EPHB2: variants seen among roughly 807,000 people sequenced by gnomAD.
The protein encoded by EPHB2 is ephrin type-B receptor 2.
Under a neutral mutation model 96.4 loss-of-function variants are expected in EPHB2, and 18 were observed. The observed-to-expected ratio is 0.19, with a 90% CI of 0.13 to 0.28. The LOEUF is 0.28. EPHB2 is among the 10% of genes least tolerant of loss of function. The probability of loss-of-function intolerance (pLI) is 1.00; values close to 1 mark genes in which losing one functional copy is unlikely to be tolerated. For missense variants in EPHB2, 989 were observed against 1,355.4 expected, an observed-to-expected ratio of 0.73 and a Z score of 4.25; for synonymous variants, 506 against 534.1, an observed-to-expected ratio of 0.95 and a Z score of 0.72.
At chr1:22,725,768 G>T (rs915550741) in intron 1 of EPHB2, among the ~76,000 whole-genome samples, 3 of 152,206 alleles carry the variant, frequency 2.0e-5, no homozygotes, top group Non-Finnish European at 4.4e-5. Context: ...GGTGACAGGT[G>T]GGGGAAGAGC....
intron 3 of EPHB2, among the ~76,000 whole-genome samples, chr1:22,816,693 G>A (rs1645079937): frequency 6.6e-6 from 1 of 152,202 alleles, no homozygotes; most frequent in Non-Finnish European, 1.5e-5. Context: ...CCACCAGGTA[G>A]CCCCTCACAG....
intron 1 of EPHB2, among the ~76,000 whole-genome samples, chr1:22,737,703 T>C (rs1295261885): frequency 6.6e-6 from 1 of 152,208 alleles, no homozygotes; most frequent in African/African-American, 2.4e-5. Context: ...GTGTAGAGAC[T>C]TTCTTGTCTT....
At chr1:22,885,659 C>G (rs1326404690) in intron 6 of EPHB2, among the ~76,000 whole-genome samples, 1 of 152,242 alleles carries the variant, frequency 6.6e-6, no homozygotes, top group Non-Finnish European at 1.5e-5. Flanking sequence ...TGGTCTCACT[C>G]TTTACTTGGC....
At chr1:22,902,258 A>G (rs1288144081) in intron 9 of EPHB2, among the ~76,000 whole-genome samples, 2 of 152,382 alleles carry the variant, frequency 1.3e-5, no homozygotes, top group African/African-American at 4.8e-5. Flanking sequence ...TCAGCCTAAT[A>G]ATGGCACTTA....
intron 3 of EPHB2, among the ~76,000 whole-genome samples, chr1:22,810,658 C>T (rs185964515): frequency 7.8e-4 from 119 of 152,290 alleles, no homozygotes; most frequent in African/African-American, 2.8e-3. Context: ...CTTCCCATGA[C>T]AAGGGGCACA....
chr1:22,908,224 G>A (rs1639979643), intron 12 of EPHB2, 56 bp downstream of exon 12: 1 of 1,597,838 alleles, frequency 6.3e-7, no homozygotes, highest in African/African-American at 1.3e-5. Context: ...GGGCATGAGT[G>A]TCCATCTCTC....
intron 1 of EPHB2, among the ~76,000 whole-genome samples, chr1:22,771,315 G>A (rs953525830): frequency 6.6e-6 from 1 of 152,210 alleles, no homozygotes; most frequent in Non-Finnish European, 1.5e-5. Context: ...CATCAGGGAA[G>A]CCTTCTCAGA....
chr1:22,903,674 TA>T (rs1008622412), intron 9 of EPHB2, among the ~76,000 whole-genome samples: 2 of 152,200 alleles, frequency 1.3e-5, no homozygotes, highest in African/African-American at 2.4e-5. Context: ...GTGGAGAAGC[TA>T]AGGCATATAA....
intron 1 of EPHB2, among the ~76,000 whole-genome samples, chr1:22,720,043 G>A (rs1643414400): frequency 2.0e-5 from 3 of 152,200 alleles, no homozygotes; most frequent in African/African-American, 4.8e-5. Context: ...CATCTTTGAG[G>A]CCCTCATAGA....
intron 3 of EPHB2, among the ~76,000 whole-genome samples, chr1:22,827,210 TG>T (rs1232741773): frequency 1.3e-5 from 2 of 152,350 alleles, no homozygotes; most frequent in East Asian, 3.9e-4. Flanking sequence ...GAGCCCTCCC[TG>T]GCTTCCCCAG....
chr1:22,863,212 A>T lies in EPHB2; in HGVS notation c.967+20A>T. 6.2e-7 allele frequency: 1 copy of T among 1,614,034 alleles called. No individual in the cohort carries two copies. The highest frequency in any genetic ancestry group is 1.3e-5 in the African/African-American group (1 of 75,044). On this transcript the variant is annotated intron_variant, in intron 4 of 15. Coordinates refer to ENST00000374630, the MANE Select transcript of EPHB2 (RefSeq NM_017449.5). ...GCACAAGTAAGTCCTAGGGCCCCTC[A>T]AGGGCGATGGCTGGCCGAGTCCCAG...
intron 13 of EPHB2, 52 bp from the exon 14 acceptor site, chr1:22,910,330 A>G: frequency 6.3e-7 from 1 of 1,598,532 alleles, no homozygotes. Flanking sequence ...GGCAGAGGGT[A>G]GACGCCCTCA....
chr1:22,774,610 A>G (rs1190276628), intron 1 of EPHB2: 2 of 985,226 alleles, frequency 2.0e-6, no homozygotes, highest in Non-Finnish European at 1.2e-6. Flanking sequence ...ATGGCTGGAT[A>G]CGAGAGACAC....
rs1435412228 is a variant in EPHB2, at chr1:22,895,548, T to G, written c.1668T>G (p.Ile556Met). The G allele has an allele frequency of 3.1e-6, 5 of 1,614,120 alleles. No individual in the cohort carries two copies. Among genetic ancestry groups the G allele is most frequent in the Non-Finnish European group, 3.4e-6 (4 of 1,180,048 alleles). The change falls in exon 8 of 16, where the codon ATT becomes ATG. Residue 556 changes from isoleucine to methionine, a missense_variant. Physicochemically the swap from Ile to Met is conservative, Grantham distance 10. Transcript: ENST00000374630. ...GSSAAGLVFL[I>M]AVVVIAIVCN... ...CGGCCGCTGGCCTGGTCTTCCTCAT[T>G]GCTGTGGTTGTCATCGCCATCGTGT...
intron 1 of EPHB2, among the ~76,000 whole-genome samples, chr1:22,743,346 C>T (rs1379187685): frequency 2.0e-5 from 3 of 152,158 alleles, no homozygotes; most frequent in African/African-American, 7.2e-5. Context: ...GATCAGCTTA[C>T]TTCTTGTGAG....
chr1:22,716,080 G>A (rs912610587), intron 1 of EPHB2, among the ~76,000 whole-genome samples: 1 of 152,056 alleles, frequency 6.6e-6, no homozygotes, highest in African/African-American at 2.4e-5. Context: ...CCCCAGACTC[G>A]GGATGGTAAC....
intron 3 of EPHB2, among the ~76,000 whole-genome samples, chr1:22,818,609 C>T (rs1645107072): frequency 6.6e-6 from 1 of 152,210 alleles, no homozygotes; most frequent in African/African-American, 2.4e-5. Flanking sequence ...CCGGCCCAGC[C>T]TTCCCATTCT....
intron 11 of EPHB2, 103 bp downstream of exon 11, chr1:22,907,060 C>G (rs891396938): frequency 1.4e-6 from 2 of 1,444,050 alleles, no homozygotes; most frequent in Non-Finnish European, 1.8e-6. Flanking sequence ...TGGAAAAGCT[C>G]TAGGTCAGGA....
intron 1 of EPHB2, among the ~76,000 whole-genome samples, chr1:22,716,585 C>T (rs1316182610): frequency 1.3e-5 from 2 of 152,170 alleles, no homozygotes; most frequent in Non-Finnish European, 2.9e-5. Context: ...GTGACCCACC[C>T]ACCTTGACCT....
Sources: allele counts gnomAD v4.1 joint callset (sites outside exome capture counted in the v4.1 genomes callset), GRCh38; gene constraint gnomAD v4.1.1; transcripts MANE v1.5; gene names NCBI Gene and HGNC (gene_info 2026-07-23, HGNC 2026-07-21).